The following NCK1 variants were observed in gnomAD, a reference collection of about 807,000 sequenced individuals.
The protein encoded by NCK1 is NCK adaptor protein 1.
In NCK1, 19 loss-of-function variants were observed where a neutral mutation model predicts 36.6. The observed-to-expected ratio is 0.52, with a 90% CI of 0.36 to 0.76. The LOEUF is 0.76. Ranked by LOEUF, NCK1 falls within the 30% of genes least tolerant of loss-of-function variation. The probability of loss-of-function intolerance (pLI) is 0.00; values close to 1 mark genes in which losing one functional copy is unlikely to be tolerated. For synonymous variants in NCK1, 165 were observed against 156.0 expected (o/e 1.06, Z -0.43); for missense variants, 358 against 445.6 (o/e 0.80, Z 1.77).
chr3:136,916,747 CAGTT>C lies in NCK1; in HGVS notation c.-18-11236_-18-11233del, dbSNP rs994705512. On this transcript the variant is annotated intron_variant, in intron 1 of 3. Transcript: ENST00000481752. ...GTAATGAAAAACTTAGAAAATAAAA[CAGTT>C]TGTTTAGTTCAAAAAATTGAAATTG... is the stretch of plus-strand genomic sequence containing the variant. 3.5e-3 allele frequency among the ~76,000 whole-genome samples: 529 copies of C among 151,934 alleles called. 6 individuals carry two copies. The highest frequency in any genetic ancestry group is 0.012 in the African/African-American group (506 of 41,352).
chr3:136,862,624 C>T (rs1482535707), intron 1 of NCK1, among the ~76,000 whole-genome samples: 1 of 152,194 alleles, frequency 6.6e-6, no homozygotes, highest in African/African-American at 2.4e-5. Flanking sequence ...AGCGCTGTGT[C>T]GGGCTGAGAG....
intron 1 of NCK1, among the ~76,000 whole-genome samples, chr3:136,893,626 A>C (rs1383204706): frequency 3.3e-5 from 5 of 152,104 alleles, no homozygotes; most frequent in Admixed American, 2.6e-4. Flanking sequence ...GCTGTGCAGA[A>C]GCTTTTTAGT....
chr3:136,922,252 A>G (rs1357419318), intron 1 of NCK1, among the ~76,000 whole-genome samples: 1 of 152,216 alleles, frequency 6.6e-6, no homozygotes, highest in Admixed American at 6.5e-5. Context: ...ACTGGGAACA[A>G]AAGTGAAAGT....
chr3:136,938,045 G>A (rs1420627415), intron 2 of NCK1, among the ~76,000 whole-genome samples: 1 of 152,030 alleles, frequency 6.6e-6, no homozygotes, highest in Non-Finnish European at 1.5e-5. Flanking sequence ...ACAGTTTTTT[G>A]CAGATGCCCT....
chr3:136,920,857 G>A (rs922348622), intron 1 of NCK1, among the ~76,000 whole-genome samples: 5 of 152,034 alleles, frequency 3.3e-5, no homozygotes, highest in Non-Finnish European at 5.9e-5. Context: ...TACTATATGG[G>A]AATTAAACAT....
At chr3:136,901,247 A>G (rs571713799) in intron 1 of NCK1, among the ~76,000 whole-genome samples, 2 of 145,428 alleles carry the variant, frequency 1.4e-5, no homozygotes, top group Admixed American at 6.8e-5. Context: ...TCTGGGATAA[A>G]TCTCACTTCA....
intron 1 of NCK1, among the ~76,000 whole-genome samples, chr3:136,926,749 G>A (rs964872090): frequency 5.9e-5 from 9 of 152,038 alleles, no homozygotes; most frequent in Non-Finnish European, 8.8e-5. Context: ...GTTTCCAAAC[G>A]TGGTATTTCA....
At chr3:136,893,617 C>A (rs1332989300) in intron 1 of NCK1, among the ~76,000 whole-genome samples, 1 of 152,092 alleles carries the variant, frequency 6.6e-6, no homozygotes, top group East Asian at 1.9e-4. Flanking sequence ...GTGTCTTTTG[C>A]TGTGCAGAAG....
At position 136,928,142 on chromosome 3, in the gene NCK1, A is replaced by G. The variant is rs1560050003; in HGVS notation, c.141A>G (p.Lys47=). 1 of 1,614,200 alleles carries G rather than the reference A, an allele frequency of 6.2e-7. No homozygotes were observed. Among genetic ancestry groups the G allele is most frequent in the Non-Finnish European group, 8.5e-7 (1 of 1,180,040 alleles). Residue 47 remains lysine, a synonymous_variant, in exon 2 of 4, where the codon AAA becomes AAG. Transcript: ENST00000481752. ...SWWRVRNSMN[K]TGFVPSNYVE... ...GGCGAGTTCGAAATTCCATGAATAA[A>G]ACAGGTTTTGTGCCTTCTAACTATG...
intron 2 of NCK1, among the ~76,000 whole-genome samples, chr3:136,936,728 T>G (rs931277825): frequency 6.6e-6 from 1 of 152,198 alleles, no homozygotes; most frequent in Non-Finnish European, 1.5e-5. Flanking sequence ...CTCTAATGAC[T>G]AATGATATTG....
rs148006126 is a variant in NCK1 at position 136,936,527 on chromosome 3, G to C, written c.226+8300G>C. On this transcript the variant is annotated intron_variant, in intron 2 of 3. Coordinates refer to ENST00000481752, the MANE Select transcript of NCK1 (RefSeq NM_001291999.2). Reference sequence around the variant, plus strand: ...TACCTAAAAGTGGAATTGCTGGATCGTATGGTAATTCTTTGCTTTTTGAGA... The same window carrying C: ...TACCTAAAAGTGGAATTGCTGGATCCTATGGTAATTCTTTGCTTTTTGAGA... 9.7e-4 allele frequency among the ~76,000 whole-genome samples: 148 copies of C among 152,266 alleles called. 1 individual carries two copies. Among genetic ancestry groups the C allele is most frequent in the African/African-American group, 3.5e-3 (145 of 41,548 alleles).
chr3:136,899,766 T>G, intron 1 of NCK1: 75 of 1,286,104 alleles, frequency 5.8e-5, no homozygotes, highest in Non-Finnish European at 7.8e-5. Context: ...TCTTTTATCT[T>G]GAGACTTCTG....
At chr3:136,944,294 T>G (rs1436256735) in intron 2 of NCK1, among the ~76,000 whole-genome samples, 3 of 151,818 alleles carry the variant, frequency 2.0e-5, no homozygotes, top group Non-Finnish European at 4.4e-5. Flanking sequence ...AATTTTTGTA[T>G]TTTTAGTAGA....
chr3:136,947,006 T>C (rs1196910051), intron 3 of NCK1: 2 of 152,216 alleles, frequency 1.3e-5, no homozygotes, highest in African/African-American at 4.8e-5. Context: ...ATGAAAGATA[T>C]CACTACTTTT....
chr3:136,945,009 AG>A (rs1940774095), intron 2 of NCK1, among the ~76,000 whole-genome samples: 1 of 152,240 alleles, frequency 6.6e-6, no homozygotes, highest in African/African-American at 2.4e-5. Flanking sequence ...GGGTAAGGGG[AG>A]AAAAACAAAT....
chr3:136,878,323 C>T (rs1421449024), intron 1 of NCK1, among the ~76,000 whole-genome samples: 2 of 152,088 alleles, frequency 1.3e-5, no homozygotes, highest in Non-Finnish European at 2.9e-5. Flanking sequence ...GCAGGAGAGT[C>T]GTTTGAACTG....
intron 1 of NCK1, among the ~76,000 whole-genome samples, chr3:136,914,811 G>T (rs542480387): frequency 6.6e-6 from 1 of 152,278 alleles, no homozygotes; most frequent in Non-Finnish European, 1.5e-5. Flanking sequence ...TCCCCATGTT[G>T]GAAGTGGGGC....
intron 1 of NCK1, chr3:136,899,855 A>G: frequency 1.4e-6 from 2 of 1,408,040 alleles, no homozygotes; most frequent in Non-Finnish European, 2.0e-6. Context: ...AGAGCTTATC[A>G]TCTAAAGCCA....
intron 1 of NCK1, among the ~76,000 whole-genome samples, chr3:136,862,840 T>C (rs1318303138): frequency 6.6e-6 from 1 of 152,112 alleles, no homozygotes; most frequent in Admixed American, 6.5e-5. Context: ...GGTGGACATC[T>C]TCGGGACGCG....
Sources: gnomAD v4.1 joint callset for allele counts (sites outside exome capture counted in the v4.1 genomes callset) on GRCh38, gnomAD v4.1.1 for gene constraint, MANE v1.5 for transcripts, NCBI Gene and HGNC (gene_info 2026-07-23, HGNC 2026-07-21) for gene names.